KRT74: variants seen among roughly 807,000 people sequenced by gnomAD.
KRT74 encodes keratin 74, also known as keratin, type II cytoskeletal 74.
In KRT74, 43 loss-of-function variants were observed where a neutral mutation model predicts 42.7. That is an observed-to-expected ratio of 1.01 (90% CI 0.79 to 1.30). The LOEUF (loss-of-function observed/expected upper bound fraction) is 1.30. Among genes scored for constraint, KRT74 ranks in the 50% most tolerant of loss-of-function variants. The probability of loss-of-function intolerance (pLI) is 0.00; values close to 1 mark genes in which losing one functional copy is unlikely to be tolerated. For synonymous variants in KRT74, 302 were observed against 279.0 expected (o/e 1.08, Z -0.82); for missense variants, 736 against 689.1 (o/e 1.07, Z -0.76).
At chr12:52,571,274 T>G (rs1159744852) in intron 4 of KRT74, 85 bp downstream of exon 4, 2 of 898,112 alleles carry the variant, frequency 2.2e-6, no homozygotes, top group South Asian at 1.3e-5. Flanking sequence ...TTCATTTTGT[T>G]GATCCTAAAT....
At position 52,567,143 on chromosome 12, in the gene KRT74, G is replaced by A. The variant is rs1353749562; in HGVS notation, c.1416C>T (p.Ser472=). The A allele has an allele frequency of 1.2e-6, 2 of 1,603,924 alleles. No individual in the cohort carries two copies. The highest frequency in any genetic ancestry group is 4.5e-5 in the East Asian group (2 of 44,612). ...CACCCGCAGAGCTGGGGTGGTGGTA[G>A]CTGTAGCTGCTACTGCTGATGACAG... ...SISVISSSSY[S]YHHPSSAGVD... is the part of the protein sequence containing the mutation. The change falls in exon 9 of 9, where the codon AGC becomes AGT. Residue 472 remains serine, a synonymous_variant. Coordinates refer to ENST00000305620, the MANE Select transcript of KRT74 (RefSeq NM_175053.4).
chr12:52,573,469 A>G lies in KRT74; in HGVS notation c.309T>C (p.Cys103=). ...MFGSVALGPA[C]LSVCPPGGIH... ...TGCCCCCAGGTGGGCACACAGACAAACATGCAGGCCCCAGGGCCACACTGC... is the reference window on the plus strand; with the variant it reads ...TGCCCCCAGGTGGGCACACAGACAAGCATGCAGGCCCCAGGGCCACACTGC... Residue 103 remains cysteine (C), a synonymous_variant, in exon 1 of 9, where the codon TGT becomes TGC. Transcript: ENST00000305620. 1 of 1,614,164 alleles carries G rather than the reference A, an allele frequency of 6.2e-7. No homozygotes were observed. The highest frequency in any genetic ancestry group is 1.1e-5 in the South Asian group (1 of 91,078).
chr12:52,567,287 C>A, intron 8 of KRT74, 119 bp from the exon 9 acceptor site: 1 of 846,110 alleles, frequency 1.2e-6, no homozygotes, highest in Non-Finnish European at 1.8e-6. Context: ...TCCGCAGAAC[C>A]ACCCTCAGTA....
Position 52,566,733 on chromosome 12 carries a change from A to G in KRT74, c.*236T>C, listed in dbSNP as rs1939388001. ...GCTTGTGCCTCCAAAGCCTCCTGCC[A>G]GCCAAAGGCAGCGAGGAAAATGAGA... On this transcript the variant is annotated 3_prime_UTR_variant, in exon 9 of 9. Transcript: ENST00000305620. 1 of 430,640 alleles carries G rather than the reference A, an allele frequency of 2.3e-6. No homozygotes were observed. Among genetic ancestry groups the G allele is most frequent in the South Asian group, 8.0e-5 (1 of 12,512 alleles). The allele number at this position is 430,640 out of a possible 1,614,324, so 26.7% of individuals were successfully genotyped here.
chr12:52,573,576 C>A lies in KRT74; in HGVS notation c.202G>T (p.Val68Phe), dbSNP rs766704206. Residue 68 changes from valine (V) to phenylalanine (F), a missense_variant, in exon 1 of 9, where the codon GTT becomes TTT. Val to Phe is a conservative substitution (Grantham distance 50). Transcript: ENST00000305620. ...RISFNVAGGG[V>F]RAGGYGFRPG... Reference sequence around the variant, plus strand: ...CTGAAGCCGTAACCTCCAGCCCGAACGCCGCCACCAGCCACATTGAAAGAA... The same window carrying A: ...CTGAAGCCGTAACCTCCAGCCCGAAAGCCGCCACCAGCCACATTGAAAGAA... The A allele has an allele frequency of 3.7e-6, 6 of 1,613,972 alleles. No individual in the cohort carries two copies. Among genetic ancestry groups the A allele is most frequent in the Non-Finnish European group, 3.4e-6 (4 of 1,180,050 alleles).
rs549616217 is a variant in KRT74, at chr12:52,566,029, C to T, written c.*940G>A. On this transcript the variant is annotated 3_prime_UTR_variant, in exon 9 of 9. Coordinates refer to ENST00000305620, the MANE Select transcript of KRT74 (RefSeq NM_175053.4). ...ACAGCCCCAGAGAGACTGTGGAAGA[C>T]AAATCACATACCCACAGTCCTGACA... The T allele has an allele frequency of 6.6e-6, 1 of 152,288 alleles. No homozygotes were observed. The highest frequency in any genetic ancestry group is 1.9e-4 in the East Asian group (1 of 5,180). The allele number at this position is 152,288 out of a possible 1,614,324, so 9.4% of individuals were successfully genotyped here.
chr12:52,572,568 G>A lies in KRT74; in HGVS notation c.571C>T (p.Leu191Phe), dbSNP rs769177339. 8 of 1,614,182 alleles carry A rather than the reference G, an allele frequency of 5.0e-6. No homozygotes were observed. The highest frequency in any genetic ancestry group is 5.9e-6 in the Non-Finnish European group (7 of 1,180,026). ...CGCAGGTTGCTGATGTAGCCCTCAAGGATGGGCTCCAGGTTCTTCTTGCAG... is the reference window on the plus strand; with the variant it reads ...CGCAGGTTGCTGATGTAGCCCTCAAAGATGGGCTCCAGGTTCTTCTTGCAG... ...NNCKKNLEPI[L>F]EGYISNLRKQ... The change falls in exon 2 of 9, where the codon CTT becomes TTT. Residue 191 changes from leucine (L) to phenylalanine (F), a missense_variant. Coordinates refer to ENST00000305620, the MANE Select transcript of KRT74 (RefSeq NM_175053.4).
At chr12:52,572,034 C>T (rs747053111) in intron 2 of KRT74, 30 bp from the exon 3 acceptor site, 3 of 1,507,194 alleles carry the variant, frequency 2.0e-6, no homozygotes, top group Non-Finnish European at 2.8e-6. Flanking sequence ...ATGGCCTTAG[C>T]CCCCTTAGCC....
rs1400658947 is a variant in KRT74, at chr12:52,573,340, C to A, written c.438G>T (p.Val146=). 6.2e-7 allele frequency: 1 copy of A among 1,614,098 alleles called. No homozygotes were observed. Among genetic ancestry groups the A allele is most frequent in the Non-Finnish European group, 8.5e-7 (1 of 1,180,048 alleles). ...TGAAGGAGGCGAACTTGTCGTTCAG[C>A]ACCTTGATCTGTTCCCGCTCCTGGG... The part of the protein sequence containing the change: ...VRAQEREQIK[V]LNDKFASFID... The change falls in exon 1 of 9, where the codon GTG becomes GTT. Residue 146 remains valine, a synonymous_variant. Transcript: ENST00000305620.
At position 52,566,758 on chromosome 12, in the gene KRT74, A is replaced by C. The variant is rs1034152138; in HGVS notation, c.*211T>G. 4.6e-6 allele frequency: 2 copies of C among 437,638 alleles called. No homozygotes were observed. Among genetic ancestry groups the C allele is most frequent in the Non-Finnish European group, 8.1e-6 (2 of 246,972 alleles). 27.1% of individuals were successfully genotyped at this position (437,638 alleles called of 1,614,324 possible). Reference sequence around the variant, plus strand: ...AGCCAAAGGCAGCGAGGAAAATGAGAAGTCGTTAGTCCACATGGGACCTAA... The same window carrying C: ...AGCCAAAGGCAGCGAGGAAAATGAGCAGTCGTTAGTCCACATGGGACCTAA... On this transcript the variant is annotated 3_prime_UTR_variant, in exon 9 of 9. Transcript: ENST00000305620.
At chr12:52,568,076 T>C in intron 7 of KRT74, 93 bp downstream of exon 7, 2 of 1,404,318 alleles carry the variant, frequency 1.4e-6, no homozygotes, top group Non-Finnish European at 2.0e-6. Flanking sequence ...TTGCTTGTAT[T>C]GGCACTAACC....
Position 52,567,107 on chromosome 12 carries a change from C to A in KRT74, c.1452G>T (p.Gly484=). Residue 484 remains glycine (G), a synonymous_variant, in exon 9 of 9, where the codon GGG becomes GGT. Transcript: ENST00000305620. ...HHPSSAGVDL[G]ASAVAGSSGS... The stretch of plus-strand genomic sequence containing the variant: ...CAGAGCTGCCTGCCACAGCGCTGGC[C>A]CCAAGGTCAACACCCGCAGAGCTGG... The A allele has an allele frequency of 6.2e-7, 1 of 1,604,198 alleles. No homozygotes were observed. Among genetic ancestry groups the A allele is most frequent in the Non-Finnish European group, 8.5e-7 (1 of 1,172,442 alleles).
rs1939491501 is a variant in KRT74, at chr12:52,571,995, C to T, written c.696G>A (p.Val232=). 1.9e-6 allele frequency: 3 copies of T among 1,597,952 alleles called. No homozygotes were observed. Among genetic ancestry groups the T allele is most frequent in the East Asian group, 2.2e-5 (1 of 44,800 alleles). The change falls in exon 3 of 9, where the codon GTG becomes GTA. Residue 232 remains valine, a synonymous_variant. Transcript: ENST00000305620. ...LVEDYKKRYE[V]EINRRTTAEN... ...CTGCTGTCGTGCGCCGGTTAATCTC[C>T]ACTTCATATCTGCCAGCAGGGAGAG...
rs111554483 is a variant in KRT74, at chr12:52,573,213, A to G, written c.471+94T>C. On this transcript the variant is annotated intron_variant, in intron 1 of 8. Coordinates refer to ENST00000305620, the MANE Select transcript of KRT74 (RefSeq NM_175053.4). ...GAAGCCCTTCCTGAGGCCCAGCTGC[A>G]CCTTTCCAGCCACAGTGTGCAGTCC... is the stretch of plus-strand genomic sequence containing the variant. 0.032 allele frequency: 41,288 copies of G among 1,274,276 alleles called. 1,351 individuals carry two copies. Among genetic ancestry groups the G allele is most frequent in the African/African-American group, 0.13 (8,930 of 68,096 alleles). The allele number at this position is 1,274,276 out of a possible 1,614,324, so 78.9% of individuals were successfully genotyped here.
Position 52,572,483 on chromosome 12 carries a change from A to G in KRT74, c.656T>C (p.Met219Thr). Reference protein sequence around the residue: ...RVRLDSELRSMRDLVEDYKKR... With the variant: ...RVRLDSELRSTRDLVEDYKKR... ...CTTATAGTCCTCCACCAGATCCCTC[A>G]TGCTTCTCAGCTCCGAGTCCAGCCT... Residue 219 changes from methionine (M) to threonine (T), a missense_variant, in exon 2 of 9, where the codon ATG becomes ACG. Physicochemically the swap from Met to Thr is moderately conservative, Grantham distance 81. Transcript: ENST00000305620. The G allele has an allele frequency of 1.9e-6, 3 of 1,614,048 alleles. No individual in the cohort carries two copies. The highest frequency in any genetic ancestry group is 2.5e-6 in the Non-Finnish European group (3 of 1,179,994).
chr12:52,567,618 C>T (rs758205542), intron 8 of KRT74, 41 bp downstream of exon 8: 62 of 1,515,442 alleles, frequency 4.1e-5, no homozygotes, highest in Non-Finnish European at 4.9e-5. Context: ...TCCCAGGGTC[C>T]CTGGCTTTCC....
intron 1 of KRT74, among the ~76,000 whole-genome samples, chr12:52,572,910 G>A (rs752293597): frequency 1.3e-5 from 2 of 152,022 alleles, no homozygotes; most frequent in Admixed American, 6.6e-5. Context: ...TCTATTGCTC[G>A]GCCCTGGTCC....
intron 4 of KRT74, 144 bp from the exon 5 acceptor site, chr12:52,570,977 G>A (rs2120648256): frequency 1.1e-6 from 1 of 948,882 alleles, no homozygotes. Flanking sequence ...CCTCTGGGAT[G>A]TGTCTGCAGA....
In KRT74 at chr12:52,572,565, C is replaced by T. The variant is rs1306260355; in HGVS notation, c.574G>A (p.Glu192Lys). ...TTCCGCAGGTTGCTGATGTAGCCCTCAAGGATGGGCTCCAGGTTCTTCTTG... is the reference window on the plus strand; with the variant it reads ...TTCCGCAGGTTGCTGATGTAGCCCTTAAGGATGGGCTCCAGGTTCTTCTTG... ...NCKKNLEPIL[E>K]GYISNLRKQL... Residue 192 changes from glutamate (E) to lysine (K), a missense_variant, in exon 2 of 9, where the codon GAG (glutamate) becomes AAG (lysine). Transcript: ENST00000305620. 3.1e-6 allele frequency: 5 copies of T among 1,614,074 alleles called. No homozygotes were observed. Among genetic ancestry groups the T allele is most frequent in the Non-Finnish European group, 4.2e-6 (5 of 1,180,032 alleles).
Sources: allele counts gnomAD v4.1 joint callset (sites outside exome capture counted in the v4.1 genomes callset), GRCh38; gene constraint gnomAD v4.1.1; transcripts MANE v1.5; gene names NCBI Gene and HGNC (gene_info 2026-07-23, HGNC 2026-07-21).